The following SHANK1 variants were observed in gnomAD, a reference collection of about 807,000 sequenced individuals.
SHANK1 encodes the protein SH3 and multiple ankyrin repeat domains 1.
A neutral mutation model predicts 165.6 loss-of-function variants in SHANK1; 35 were observed. The ratio of observed to expected loss-of-function variants is 0.21; its 90% CI spans 0.16 to 0.28. The LOEUF (loss-of-function observed/expected upper bound fraction) is 0.28. SHANK1 is among the 10% of genes least tolerant of loss of function. SHANK1 has a pLI of 1.00. For synonymous variants in SHANK1, 1,428 were observed against 1,384.8 expected, an observed-to-expected ratio of 1.03 and a Z score of -0.69; for missense variants, 2,681 against 3,036.4, an observed-to-expected ratio of 0.88 and a Z score of 2.75.
chr19:50,670,382 T>C lies in SHANK1; in HGVS notation c.2675-1097A>G. ...AGAGTCAACACCCTGGGCCAGCCACTATCATTTCCTATCTGGATAGCAATA... is the reference window on the plus strand; with the variant it reads ...AGAGTCAACACCCTGGGCCAGCCACCATCATTTCCTATCTGGATAGCAATA... On this transcript the variant is annotated intron_variant, in intron 22 of 23. Transcript: ENST00000293441. This position sits in a 1 kb window ranked among gnomAD's most constrained non-coding sequence, Gnocchi z 4.1. 6.6e-6 allele frequency among the ~76,000 whole-genome samples: 1 copy of C among 152,318 alleles called. No individual in the cohort carries two copies. Among genetic ancestry groups the C allele is most frequent in the African/African-American group, 2.4e-5 (1 of 41,566 alleles).
chr19:50,673,255 A>G (rs991908340), intron 21 of SHANK1, among the ~76,000 whole-genome samples: 7 of 151,976 alleles, frequency 4.6e-5, no homozygotes, highest in African/African-American at 1.4e-4. Context: ...CCCCGTAGCA[A>G]ACCCTTGGTA....
rs1568424619 is a variant in SHANK1, at chr19:50,662,532, G to GGCT, written c.5916_5918dup (p.Ala1973dup). ...GGCGGGTGGACGTGGAGGAGGAGGAGGCTGAGGGTGAGGTGGCCCCTGGGG... is the reference window on the plus strand; with the variant it reads ...GGCGGGTGGACGTGGAGGAGGAGGAGGCTGCTGAGGGTGAGGTGGCCCCTGGGG... On this transcript the variant is annotated inframe_insertion, in exon 24 of 24. Coordinates refer to ENST00000293441, the MANE Select transcript of SHANK1 (RefSeq NM_016148.5). The surrounding 1 kb of genome is among the most constrained non-coding windows in gnomAD (Gnocchi z 7.7). 1 of 1,559,884 alleles carries GGCT rather than the reference G, an allele frequency of 6.4e-7. No individual in the cohort carries two copies. The highest frequency in any genetic ancestry group is 1.2e-5 in the South Asian group (1 of 84,836).
chr19:50,707,596 C>G (rs1433042537), intron 8 of SHANK1, among the ~76,000 whole-genome samples: 1 of 148,854 alleles, frequency 6.7e-6, no homozygotes, highest in Non-Finnish European at 1.5e-5. Flanking sequence ...GAGTCTCGCT[C>G]TGTTGCCAGG....
Position 50,703,718 on chromosome 19 carries a change from C to T in SHANK1, c.1335G>A (p.Leu445=). 1.4e-6 allele frequency: 2 copies of T among 1,453,660 alleles called. No individual in the cohort carries two copies. Among genetic ancestry groups the T allele is most frequent in the Non-Finnish European group, 1.8e-6 (2 of 1,105,738 alleles). 90.0% of individuals were successfully genotyped at this position (1,453,660 alleles called of 1,614,324 possible). A position where few individuals can be genotyped will look rare whatever the true frequency, so the allele number is the denominator to read the frequency against. The change falls in exon 11 of 24, where the codon CTG becomes CTA. Residue 445 remains leucine, a synonymous_variant. Transcript: ENST00000293441. The part of the protein sequence containing the change: ...LRANSDTSMA[L]PDWMVFSAPG... ...GGGCGGAGAACACCATCCAGTCGGG[C>T]AGCGCCATGCTGGTGTCACTGTTGG...
chr19:50,701,813 G>T (rs1986924202), intron 12 of SHANK1, among the ~76,000 whole-genome samples: 1 of 152,162 alleles, frequency 6.6e-6, no homozygotes, highest in Admixed American at 6.5e-5. Context: ...CCAAGAACAC[G>T]TCAGCAGCCC....
At chr19:50,715,629 AG>A (rs1568446649) in intron 4 of SHANK1, 29 bp downstream of exon 4, 2 of 1,604,870 alleles carry the variant, frequency 1.2e-6, no homozygotes, top group South Asian at 2.2e-5. Context: ...AGGGGGCTAT[AG>A]GGGATAGATG....
chr19:50,705,880 G>C lies in SHANK1; in HGVS notation c.1078-1366C>G, dbSNP rs191565560. Reference sequence around the variant, plus strand: ...TTTCAAAAGAGCCCAAGGTGGGCCAGGGGTGGTGGCTCACTCCTGTAATCC... The same window carrying C: ...TTTCAAAAGAGCCCAAGGTGGGCCACGGGTGGTGGCTCACTCCTGTAATCC... On this transcript the variant is annotated intron_variant, in intron 8 of 23. Coordinates refer to ENST00000293441, the MANE Select transcript of SHANK1 (RefSeq NM_016148.5). Among the ~76,000 whole-genome samples the C allele has an allele frequency of 1.4e-3, 206 of 152,284 alleles. 1 individual carries two copies. The highest frequency in any genetic ancestry group is 2.2e-3 in the Non-Finnish European group (148 of 68,008).
chr19:50,711,528 G>A (rs747358869), intron 7 of SHANK1, 41 bp from the exon 8 acceptor site: 2 of 1,437,924 alleles, frequency 1.4e-6, no homozygotes, highest in Non-Finnish European at 1.9e-6. Context: ...TCAGACCCAG[G>A]CTGTTCTCCC....
rs112856224 is a variant in SHANK1, at chr19:50,717,023, G to A, written c.-43-61C>T. Reference sequence around the variant, plus strand: ...CCGGGACCCCTCAGAGGCCGCAGGCGCTATTCGGTGGTCAAGCGGTCAAGG... The same window carrying A: ...CCGGGACCCCTCAGAGGCCGCAGGCACTATTCGGTGGTCAAGCGGTCAAGG... On this transcript the variant is annotated intron_variant, in intron 1 of 23. Transcript: ENST00000293441. The surrounding 1 kb of genome is among the most constrained non-coding windows in gnomAD (Gnocchi z 5.5). 791 of 1,315,012 alleles carry A rather than the reference G, an allele frequency of 6.0e-4. 3 individuals are homozygous for A. The African/African-American group carries it at 8.2e-3, about 14-fold the overall frequency. The allele number at this position is 1,315,012 out of a possible 1,614,324, so 81.5% of individuals were successfully genotyped here. A position where few individuals can be genotyped will look rare whatever the true frequency, so the allele number is the denominator to read the frequency against.
chr19:50,686,420 G>A lies in SHANK1; in HGVS notation c.2459-65C>T, dbSNP rs764298570. The stretch of plus-strand genomic sequence containing the variant: ...AATGAAGTTTGCTTTGACCCGGGCC[G>A]CAAAGACCAGAGCTGCCGCCCGCAG... On this transcript the variant is annotated intron_variant, in intron 20 of 23. Transcript: ENST00000293441. This position sits in a 1 kb window ranked among gnomAD's most constrained non-coding sequence, Gnocchi z 5.7. 155 of 1,195,474 alleles carry A rather than the reference G, an allele frequency of 1.3e-4. No individual in the cohort carries two copies. The Middle Eastern group carries it at 2.6e-3, about 20-fold the overall frequency. 74.1% of individuals were successfully genotyped at this position (1,195,474 alleles called of 1,614,324 possible).
At position 50,669,032 on chromosome 19, in the gene SHANK1, G is replaced by C; in HGVS notation, c.2928C>G (p.Pro976=). Residue 976 remains proline (P), a synonymous_variant, in exon 23 of 24, where the codon CCC becomes CCG. Coordinates refer to ENST00000293441, the MANE Select transcript of SHANK1 (RefSeq NM_016148.5). The part of the protein sequence containing the change: ...SPASFDGPSP[P]DTRVGSREKS... ...TCTCGCGGCTCCCCACGCGAGTGTC[G>C]GGAGGGGAGGGCCCGTCAAAGGATG... 1 of 863,470 alleles carries C rather than the reference G, an allele frequency of 1.2e-6. No homozygotes were observed. The highest frequency in any genetic ancestry group is 1.7e-6 in the Non-Finnish European group (1 of 576,612). The allele number at this position is 863,470 out of a possible 1,614,324, so 53.5% of individuals were successfully genotyped here.
At chr19:50,679,784 A>G (rs1264252837) in intron 21 of SHANK1, among the ~76,000 whole-genome samples, 1 of 152,196 alleles carries the variant, frequency 6.6e-6, no homozygotes, top group Non-Finnish European at 1.5e-5. Flanking sequence ...ATAGACAGAG[A>G]CAGAGAGAGG....
At chr19:50,695,996 C>T (rs996773204) in intron 15 of SHANK1, among the ~76,000 whole-genome samples, 3 of 152,138 alleles carry the variant, frequency 2.0e-5, no homozygotes, top group African/African-American at 4.8e-5. Flanking sequence ...GCCAGGCCAG[C>T]GCAGACAGGG....
intron 21 of SHANK1, among the ~76,000 whole-genome samples, chr19:50,684,355 A>G (rs1986268713): frequency 6.6e-6 from 1 of 152,034 alleles, no homozygotes; most frequent in Non-Finnish European, 1.5e-5. Flanking sequence ...CCTCCTGAGT[A>G]GCTGGGATTA....
intron 8 of SHANK1, among the ~76,000 whole-genome samples, chr19:50,709,231 C>T (rs961780274): frequency 2.0e-5 from 3 of 152,038 alleles, no homozygotes; most frequent in South Asian, 2.1e-4. Flanking sequence ...CTCCGCCTCC[C>T]GGGTTCACGC....
intron 12 of SHANK1, among the ~76,000 whole-genome samples, chr19:50,701,919 G>A (rs1359008651): frequency 6.6e-6 from 1 of 152,170 alleles, no homozygotes; most frequent in Admixed American, 6.5e-5. Context: ...CCACCATTTT[G>A]GGAACCCTCG....
intron 21 of SHANK1, among the ~76,000 whole-genome samples, chr19:50,683,858 A>C (rs1986250721): frequency 6.6e-6 from 1 of 152,178 alleles, no homozygotes; most frequent in Non-Finnish European, 1.5e-5. Context: ...GCAGACACAG[A>C]ATCTGGGAAT....
At chr19:50,693,666 C>T (rs1986620034) in intron 15 of SHANK1, among the ~76,000 whole-genome samples, 1 of 152,126 alleles carries the variant, frequency 6.6e-6, no homozygotes, top group Non-Finnish European at 1.5e-5. Context: ...GCACTCAGCC[C>T]CTTCCCACGT....
chr19:50,708,790 C>T (rs923202953), intron 8 of SHANK1, among the ~76,000 whole-genome samples: 2 of 152,206 alleles, frequency 1.3e-5, no homozygotes, highest in Admixed American at 1.3e-4. Context: ...CATTTTCATT[C>T]ATTCATTCAC....
Sources: gnomAD v4.1 joint callset for allele counts (sites outside exome capture counted in the v4.1 genomes callset) on GRCh38, gnomAD v4.1.1 for gene constraint, Gnocchi (gnomAD v3.1) non-coding constraint, MANE v1.5 for transcripts, NCBI Gene and HGNC (gene_info 2026-07-23, HGNC 2026-07-21) for gene names.